KIAA0930: variants seen among roughly 807,000 people sequenced by gnomAD.
The protein encoded by KIAA0930 is uncharacterized protein KIAA0930.
Under a neutral mutation model 43.9 loss-of-function variants are expected in KIAA0930, and 24 were observed. The observed-to-expected ratio is 0.55, with a 90% CI of 0.40 to 0.77. The LOEUF is 0.77. Among genes scored for constraint, KIAA0930 ranks in the 30% least tolerant of loss-of-function variants. The pLI is 0.00. For missense variants in KIAA0930, 461 were observed against 574.2 expected, an observed-to-expected ratio of 0.80 and a Z score of 2.02; for synonymous variants, 259 against 216.4, an observed-to-expected ratio of 1.20 and a Z score of -1.73.
At chr22:45,208,663 G>A (rs1304731176) in intron 2 of KIAA0930, among the ~76,000 whole-genome samples, 1 of 152,228 alleles carries the variant, frequency 6.6e-6, no homozygotes, top group Non-Finnish European at 1.5e-5. Context: ...GTATCTGGGG[G>A]CTGGTGAAAC....
intron 1 of KIAA0930, among the ~76,000 whole-genome samples, chr22:45,230,833 G>A (rs2083848557): frequency 6.6e-6 from 1 of 151,876 alleles, no homozygotes; most frequent in African/African-American, 2.4e-5. Context: ...ACCCACCTTG[G>A]CCTCCCAAAG....
At chr22:45,210,325 C>T (rs937975135) in intron 2 of KIAA0930, among the ~76,000 whole-genome samples, 7 of 152,140 alleles carry the variant, frequency 4.6e-5, no homozygotes, top group South Asian at 2.1e-4. Context: ...CTCCGAGTTC[C>T]GGTTCCCATG....
At chr22:45,217,238 G>A (rs1052109888) in intron 1 of KIAA0930, among the ~76,000 whole-genome samples, 1 of 151,864 alleles carries the variant, frequency 6.6e-6, no homozygotes, top group Non-Finnish European at 1.5e-5. Context: ...GCGGGCGCCT[G>A]TAATCCCAGC....
chr22:45,220,643 A>G (rs2147755908), intron 1 of KIAA0930, among the ~76,000 whole-genome samples: 1 of 152,210 alleles, frequency 6.6e-6, no homozygotes, highest in South Asian at 2.1e-4. Context: ...GCACAGTGCT[A>G]TGATCACGAC....
intron 1 of KIAA0930, 125 bp from the exon 2 acceptor site, chr22:45,212,232 C>T (rs766285940): frequency 3.7e-6 from 6 of 1,612,518 alleles, no homozygotes; most frequent in African/African-American, 1.3e-5. Context: ...CTCTGAGATG[C>T]GCCACCCTTC....
intron 9 of KIAA0930, among the ~76,000 whole-genome samples, chr22:45,197,476 G>C (rs1004786497): frequency 2.6e-5 from 4 of 152,218 alleles, no homozygotes; most frequent in East Asian, 1.9e-4. Context: ...TGTCACAGCT[G>C]CTGCAGGCCT....
chr22:45,227,468 GAT>G (rs2083809321), intron 1 of KIAA0930, among the ~76,000 whole-genome samples: 3 of 152,160 alleles, frequency 2.0e-5, no homozygotes, highest in Non-Finnish European at 2.9e-5. Flanking sequence ...TGGAGAAAGG[GAT>G]ATGTTTGAGC....
chr22:45,214,799 C>T (rs771886407), intron 1 of KIAA0930, among the ~76,000 whole-genome samples: 2 of 152,134 alleles, frequency 1.3e-5, no homozygotes, highest in Non-Finnish European at 2.9e-5. Context: ...GTCCCAGCTA[C>T]CAGGGAGGCT....
intron 2 of KIAA0930, among the ~76,000 whole-genome samples, chr22:45,211,141 C>G (rs2083689860): frequency 6.6e-6 from 1 of 152,238 alleles, no homozygotes; most frequent in African/African-American, 2.4e-5. Flanking sequence ...TCCAAGTAAT[C>G]CCTGCATGAG....
intron 1 of KIAA0930, among the ~76,000 whole-genome samples, chr22:45,221,214 T>C (rs765099796): frequency 1.8e-4 from 28 of 152,306 alleles, no homozygotes; most frequent in Non-Finnish European, 3.4e-4. Context: ...ATCGAATATA[T>C]ATTTTGCCTA....
At chr22:45,234,561 C>T (rs1260751913) in intron 1 of KIAA0930, among the ~76,000 whole-genome samples, 3 of 152,250 alleles carry the variant, frequency 2.0e-5, no homozygotes, top group Admixed American at 1.3e-4. Flanking sequence ...CTACCACCTA[C>T]GGTCCTACCC....
intron 2 of KIAA0930, chr22:45,207,615 C>T (rs530046174): frequency 6.6e-4 from 111 of 168,290 alleles, no homozygotes; most frequent in Non-Finnish European, 1.2e-3. Context: ...TGAGCCACCG[C>T]GCCCAGCCTG....
chr22:45,203,874 C>T lies in KIAA0930; in HGVS notation c.628G>A (p.Glu210Lys), dbSNP rs773945895. 8.7e-6 allele frequency: 14 copies of T among 1,614,052 alleles called. No homozygotes were observed. Among genetic ancestry groups the T allele is most frequent in the African/African-American group, 1.3e-5 (1 of 75,022 alleles). The change falls in exon 6 of 10, where the codon GAG becomes AAG. Residue 210 changes from glutamate to lysine, a missense_variant. Physicochemically the swap from Glu to Lys is moderately conservative, Grantham distance 56. Transcript: ENST00000336156. ...GVIFQGSIRYEALKKVYDNRV... is the reference protein window; with the variant it reads ...GVIFQGSIRYKALKKVYDNRV... ...TTGTCATACACCTTCTTGAGCGCCT[C>T]GTAGCGGATGGAGCCCTGAAAGATG...
chr22:45,225,109 G>C (rs1368650635), intron 1 of KIAA0930, among the ~76,000 whole-genome samples: 2 of 152,108 alleles, frequency 1.3e-5, no homozygotes, highest in African/African-American at 4.8e-5. Context: ...GGAGAGTCCA[G>C]GCGGCCCTTG....
At chr22:45,207,307 G>C (rs962358749) in intron 2 of KIAA0930, among the ~76,000 whole-genome samples, 4 of 142,218 alleles carry the variant, frequency 2.8e-5, no homozygotes, top group African/African-American at 1.0e-4. Context: ...CACTGCACCC[G>C]GCCTCAATTT....
In KIAA0930 at chr22:45,194,618, T is replaced by C. The variant is rs959891262; in HGVS notation, c.*2558A>G. Reference sequence around the variant, plus strand: ...ACCCTGGTTCTGGCCCTGCCACTTGTTACTCTATTACTTTATTCCACATGT... The same window carrying C: ...ACCCTGGTTCTGGCCCTGCCACTTGCTACTCTATTACTTTATTCCACATGT... On this transcript the variant is annotated 3_prime_UTR_variant, in exon 10 of 10. Coordinates refer to ENST00000336156, the MANE Select transcript of KIAA0930 (RefSeq NM_001009880.2). 6.6e-6 allele frequency: 1 copy of C among 152,220 alleles called. No homozygotes were observed. The highest frequency in any genetic ancestry group is 6.5e-5 in the Admixed American group (1 of 15,288). The allele number at this position is 152,220 out of a possible 1,614,324, so 9.4% of individuals were successfully genotyped here. A position where few individuals can be genotyped will look rare whatever the true frequency, so the allele number is the denominator to read the frequency against.
intron 1 of KIAA0930, among the ~76,000 whole-genome samples, chr22:45,231,433 C>CCTA (rs554391713): frequency 0.017 from 2,518 of 152,108 alleles, 62 homozygotes; most frequent in East Asian, 0.12. Flanking sequence ...GCCTGAAGAT[C>CCTA]CGAGGGATGT....
chr22:45,216,097 A>G (rs1163471206), intron 1 of KIAA0930, among the ~76,000 whole-genome samples: 2 of 151,946 alleles, frequency 1.3e-5, no homozygotes, highest in Non-Finnish European at 2.9e-5. Context: ...CAGAGGGAGG[A>G]AGGGAGGCAA....
In KIAA0930 at chr22:45,202,991, C is replaced by T. The variant is rs140037195; in HGVS notation, c.851G>A (p.Arg284Gln). The stretch of plus-strand genomic sequence containing the variant: ...CGCCCCCAGCTGTGCAGCCCTTACC[C>T]GCTCGTGCATGGGCGAAGCTGGGCT... Reference protein sequence around the residue: ...DSSPASPMHERVTSFSTPPTP... With the variant: ...DSSPASPMHEQVTSFSTPPTP... The change falls in exon 7 of 10, where the codon CGG becomes CAG. Residue 284 changes from arginine to glutamine, a missense_variant and splice_region_variant. Coordinates refer to ENST00000336156, the MANE Select transcript of KIAA0930 (RefSeq NM_001009880.2). The T allele has an allele frequency of 2.2e-5, 36 of 1,604,904 alleles. No homozygotes were observed. The highest frequency in any genetic ancestry group is 1.9e-4 in the African/African-American group (14 of 74,762).
Sources: gnomAD v4.1 joint callset for allele counts (sites outside exome capture counted in the v4.1 genomes callset) on GRCh38, gnomAD v4.1.1 for gene constraint, MANE v1.5 for transcripts, NCBI Gene and HGNC (gene_info 2026-07-23, HGNC 2026-07-21) for gene names.